TBCD: variants seen among roughly 807,000 people sequenced by gnomAD.
TBCD encodes the protein tubulin-specific chaperone D.
In TBCD, 105 loss-of-function variants were observed where a neutral mutation model predicts 169.3. That is an observed-to-expected ratio of 0.62 (90% CI 0.53 to 0.73). The LOEUF is 0.73. TBCD is among the 30% of genes least tolerant of loss of function. The pLI is 0.00. For missense variants in TBCD, 1,444 were observed against 1,600.1 expected, an observed-to-expected ratio of 0.90 and a Z score of 1.66; for synonymous variants, 700 against 643.9, an observed-to-expected ratio of 1.09 and a Z score of -1.32.
At chr17:82,838,698 A>G in intron 13 of TBCD, 2 of 985,452 alleles carry the variant, frequency 2.0e-6, no homozygotes, top group South Asian at 9.4e-5. Flanking sequence ...TTTAAAATGA[A>G]AGATAAACCT....
intron 15 of TBCD, among the ~76,000 whole-genome samples, chr17:82,887,168 T>TGTGTGTGCGCGCGC: frequency 8.3e-4 from 105 of 126,186 alleles, no homozygotes; most frequent in Middle Eastern, 4.0e-3. Flanking sequence ...TGTGTGTGTG[T>TGTGTGTGCGCGCGC]GCGCGCGCGC....
At chr17:82,807,374 G>C (rs918844565) in intron 10 of TBCD, among the ~76,000 whole-genome samples, 2 of 152,228 alleles carry the variant, frequency 1.3e-5, no homozygotes, top group African/African-American at 4.8e-5. Flanking sequence ...CCTGTAGCCG[G>C]CTTTAATGGG....
chr17:82,784,895 C>T (rs1229987991), intron 7 of TBCD, among the ~76,000 whole-genome samples: 3 of 152,196 alleles, frequency 2.0e-5, no homozygotes, highest in Non-Finnish European at 2.9e-5. Flanking sequence ...GAAAGGGGTA[C>T]GTGCTGTGAC....
At chr17:82,757,048 T>C (rs2047438341) in intron 2 of TBCD, among the ~76,000 whole-genome samples, 1 of 152,224 alleles carries the variant, frequency 6.6e-6, no homozygotes, top group South Asian at 2.1e-4. Flanking sequence ...TTTCTTTTTC[T>C]ACCTACAAAT....
chr17:82,895,508 C>T (rs1283315817), intron 17 of TBCD, among the ~76,000 whole-genome samples: 1 of 152,144 alleles, frequency 6.6e-6, no homozygotes, highest in Non-Finnish European at 1.5e-5. Flanking sequence ...GAGGTCATGG[C>T]ACTTTGATGG....
At chr17:82,927,111 C>T in intron 28 of TBCD, 75 bp from the exon 29 acceptor site, 1 of 1,589,080 alleles carries the variant, frequency 6.3e-7, no homozygotes, top group Non-Finnish European at 8.6e-7. Context: ...ATCAGGAACA[C>T]ACATCAGCCC....
At position 82,871,917 on chromosome 17, in the gene TBCD, G is replaced by A. The variant is rs541078297; in HGVS notation, c.1475+1537G>A. 1.8e-4 allele frequency among the ~76,000 whole-genome samples: 26 copies of A among 145,076 alleles called. No individual in the cohort carries two copies. In the East Asian group the frequency reaches 4.1e-3, roughly 23 times the overall value. The stretch of plus-strand genomic sequence containing the variant: ...ACTGCCTGTGTCCGACAAGCAGCTC[G>A]TTGTGAGGCACACGCTGGTAAGCAG... On this transcript the variant is annotated intron_variant, in intron 14 of 38. Transcript: ENST00000355528.
Position 82,923,892 on chromosome 17 carries a change from G to A in TBCD, c.2260+159G>A, listed in dbSNP as rs1237400139. On this transcript the variant is annotated intron_variant, in intron 26 of 38. Coordinates refer to ENST00000355528, the MANE Select transcript of TBCD (RefSeq NM_005993.5). This position sits in a 1 kb window ranked among gnomAD's most constrained non-coding sequence, Gnocchi z 4.6. The stretch of plus-strand genomic sequence containing the variant: ...TTCGGGTCTCAGGTTCCCAGCCGAG[G>A]AGCTGTGGGCAGGTCCTGCAGCTGC... Among the ~76,000 whole-genome samples, 1 of 152,132 alleles carries A rather than the reference G, an allele frequency of 6.6e-6. No homozygotes were observed. Among genetic ancestry groups the A allele is most frequent in the Non-Finnish European group, 1.5e-5 (1 of 68,016 alleles).
intron 9 of TBCD, among the ~76,000 whole-genome samples, chr17:82,801,926 G>A (rs1380131534): frequency 6.6e-6 from 1 of 150,670 alleles, no homozygotes; most frequent in Admixed American, 6.6e-5. Flanking sequence ...GTGTGTCGTC[G>A]TGTGGCTCGG....
At chr17:82,917,256 G>A (rs190745080) in intron 23 of TBCD, among the ~76,000 whole-genome samples, 2 of 152,126 alleles carry the variant, frequency 1.3e-5, no homozygotes, top group East Asian at 3.9e-4. Context: ...TTGACCTTGT[G>A]ATCTGCTCAC....
At position 82,884,765 on chromosome 17, in the gene TBCD, G is replaced by A. The variant is rs1340999360; in HGVS notation, c.1533+563G>A. 1 of 171,192 alleles carries A rather than the reference G, an allele frequency of 5.8e-6. No individual in the cohort carries two copies. The highest frequency in any genetic ancestry group is 1.5e-4 in the East Asian group (1 of 6,714). The allele number at this position is 171,192 out of a possible 1,614,324, so 10.6% of individuals were successfully genotyped here. ...GGGTGAATTCTGGGTGTGAGGAGCTGTAGCAACTGCTGCTGCGCTGAGCAG... is the reference window on the plus strand; with the variant it reads ...GGGTGAATTCTGGGTGTGAGGAGCTATAGCAACTGCTGCTGCGCTGAGCAG... On this transcript the variant is annotated intron_variant, in intron 15 of 38. Coordinates refer to ENST00000355528, the MANE Select transcript of TBCD (RefSeq NM_005993.5). This position sits in a 1 kb window ranked among gnomAD's most constrained non-coding sequence, Gnocchi z 4.2.
chr17:82,917,019 C>CTTTT lies in TBCD; in HGVS notation c.2039-3536_2039-3533dup, dbSNP rs59331670. 6.1e-4 allele frequency among the ~76,000 whole-genome samples: 66 copies of CTTTT among 108,486 alleles called. 3 individuals carry two copies. Among genetic ancestry groups the CTTTT allele is most frequent in the African/African-American group, 1.1e-3 (33 of 29,200 alleles). The allele number at this position is 108,486 out of a possible 152,430, so 71.2% of individuals were successfully genotyped here. A position where few individuals can be genotyped will look rare whatever the true frequency, so the allele number is the denominator to read the frequency against. On this transcript the variant is annotated intron_variant, in intron 23 of 38. Transcript: ENST00000355528. ...CAGTTTGGACTTTTTTTTTTCTTTTCTTTTCTTTTTTTTTTTTTTGAGTTG... is the reference window on the plus strand; with the variant it reads ...CAGTTTGGACTTTTTTTTTTCTTTTCTTTTTTTTCTTTTTTTTTTTTTTGAGTTG...
At chr17:82,787,351 G>A (rs2049392562) in intron 7 of TBCD, among the ~76,000 whole-genome samples, 1 of 152,222 alleles carries the variant, frequency 6.6e-6, no homozygotes, top group Admixed American at 6.5e-5. Context: ...AGCAACGCCT[G>A]GCGGGGCCGG....
At chr17:82,758,054 A>G (rs2047497891) in intron 2 of TBCD, among the ~76,000 whole-genome samples, 1 of 152,116 alleles carries the variant, frequency 6.6e-6, no homozygotes, top group African/African-American at 2.4e-5. Context: ...AGCTGCTTAG[A>G]GTACTGCGAA....
In TBCD at chr17:82,915,426, C is replaced by T. The variant is rs1005373123; in HGVS notation, c.2038+3637C>T. ...AGAGGAGATGAACATCCTGGATGTC[C>T]TCAGCGTGGCCTGAACTGAGCTGCT... On this transcript the variant is annotated intron_variant, in intron 23 of 38. Coordinates refer to ENST00000355528, the MANE Select transcript of TBCD (RefSeq NM_005993.5). This position sits in a 1 kb window ranked among gnomAD's most constrained non-coding sequence, Gnocchi z 4.3. 2.6e-5 allele frequency among the ~76,000 whole-genome samples: 4 copies of T among 152,158 alleles called. No homozygotes were observed. The highest frequency in any genetic ancestry group is 9.7e-5 in the African/African-American group (4 of 41,428).
chr17:82,942,450 C>A lies in TBCD; in HGVS notation c.3566C>A (p.Pro1189His). The change falls in exon 39 of 39, where the codon CCT becomes CAT. Residue 1189 changes from proline (P) to histidine (H), a missense_variant and splice_region_variant. Pro to His is a moderately conservative substitution (Grantham distance 77). Coordinates refer to ENST00000355528, the MANE Select transcript of TBCD (RefSeq NM_005993.5). Reference protein sequence around the residue: ...GVPRPQLVPQPGAC With the variant: ...GVPRPQLVPQHGAC ...GAGCTTGTCTTGTCTCTTCTTCAGC[C>A]TGGTGCCTGCTGAAGCCAGTCCTGG... 6.2e-7 allele frequency: 1 copy of A among 1,613,964 alleles called. No homozygotes were observed. Among genetic ancestry groups the A allele is most frequent in the Admixed American group, 1.7e-5 (1 of 60,028 alleles).
chr17:82,886,830 C>T lies in TBCD; in HGVS notation c.1533+2628C>T, dbSNP rs976407273. Among the ~76,000 whole-genome samples the T allele has an allele frequency of 6.0e-5, 9 of 150,252 alleles. 1 individual carries two copies. The highest frequency in any genetic ancestry group is 2.0e-4 in the African/African-American group (8 of 40,894). On this transcript the variant is annotated intron_variant, in intron 15 of 38. Coordinates refer to ENST00000355528, the MANE Select transcript of TBCD (RefSeq NM_005993.5). Reference sequence around the variant, plus strand: ...GATTACAGGCGTGCACCACCATGCCCGGCTACTTTTTGTATTTTTAGTAGA... The same window carrying T: ...GATTACAGGCGTGCACCACCATGCCTGGCTACTTTTTGTATTTTTAGTAGA...
rs1242076150 is a variant in TBCD, at chr17:82,927,308, G to A, written c.2594G>A (p.Gly865Glu). The A allele has an allele frequency of 1.2e-6, 2 of 1,613,924 alleles. No homozygotes were observed. The highest frequency in any genetic ancestry group is 1.7e-6 in the Non-Finnish European group (2 of 1,179,860). The change falls in exon 29 of 39, where the codon GGG becomes GAG. Residue 865 changes from glycine (G) to glutamate (E), a missense_variant. Transcript: ENST00000355528. ...GACGACTACACCACGGACAGCAGAGGGGACGTGGGCACCTGGTACGTACGT... is the reference window on the plus strand; with the variant it reads ...GACGACTACACCACGGACAGCAGAGAGGACGTGGGCACCTGGTACGTACGT... ...CMDDYTTDSR[G>E]DVGTWVRKAA...
intron 37 of TBCD, 104 bp downstream of exon 37, chr17:82,939,580 G>A (rs1019252072): frequency 6.6e-6 from 6 of 911,830 alleles, no homozygotes; most frequent in Non-Finnish European, 1.0e-5. Context: ...GATAGGAGGA[G>A]GAAAGAGGGT....
Sources: gnomAD v4.1 joint callset for allele counts (sites outside exome capture counted in the v4.1 genomes callset) on GRCh38, gnomAD v4.1.1 for gene constraint, Gnocchi (gnomAD v3.1) non-coding constraint, MANE v1.5 for transcripts, NCBI Gene and HGNC (gene_info 2026-07-23, HGNC 2026-07-21) for gene names.